DCDC1: variants seen among roughly 807,000 people sequenced by gnomAD.
DCDC1 encodes the protein doublecortin domain containing 1.
In DCDC1, 200 loss-of-function variants were observed where a neutral mutation model predicts 178.3. The observed-to-expected ratio is 1.12, with a 90% CI of 1.00 to 1.26. DCDC1 has a LOEUF of 1.26. DCDC1 is among the 50% of genes most tolerant of loss of function. The probability of loss-of-function intolerance (pLI) is 0.00; values close to 1 mark genes in which losing one functional copy is unlikely to be tolerated. For missense variants in DCDC1, 1,983 were observed against 1,749.2 expected, an observed-to-expected ratio of 1.13 and a Z score of -2.38; for synonymous variants, 690 against 604.8, an observed-to-expected ratio of 1.14 and a Z score of -2.07.
chr11:30,942,424 G>A (rs1332129175), intron 21 of DCDC1, among the ~76,000 whole-genome samples: 1 of 152,008 alleles, frequency 6.6e-6, no homozygotes, highest in Non-Finnish European at 1.5e-5. Context: ...AGATGGTGAG[G>A]GAATCTCATT....
intron 9 of DCDC1, among the ~76,000 whole-genome samples, chr11:31,171,042 G>A (rs539238739): frequency 6.6e-6 from 1 of 152,206 alleles, no homozygotes; most frequent in African/African-American, 2.4e-5. Context: ...TGGCCAGGCT[G>A]GTCTCGAACT....
At chr11:31,150,446 GTATA>G (rs1324857636) in intron 9 of DCDC1, among the ~76,000 whole-genome samples, 1 of 152,120 alleles carries the variant, frequency 6.6e-6, no homozygotes, top group African/African-American at 2.4e-5. Flanking sequence ...ATATGGATCA[GTATA>G]TATAAAAAGG....
At chr11:31,245,753 A>G (rs1296779328) in intron 8 of DCDC1, among the ~76,000 whole-genome samples, 1 of 151,880 alleles carries the variant, frequency 6.6e-6, no homozygotes, top group African/African-American at 2.4e-5. Flanking sequence ...TGACAGAGCA[A>G]TAATATTAGA....
At chr11:31,274,537 C>T (rs917220017) in intron 7 of DCDC1, among the ~76,000 whole-genome samples, 9 of 150,712 alleles carry the variant, frequency 6.0e-5, no homozygotes, top group Admixed American at 6.0e-4. Context: ...TTTCAGAGAA[C>T]ATAGCATATG....
chr11:30,892,801 T>G lies in DCDC1; in HGVS notation c.5082+17A>C, dbSNP rs767877253. 2 of 1,613,724 alleles carry G rather than the reference T, an allele frequency of 1.2e-6. No individual in the cohort carries two copies. The highest frequency in any genetic ancestry group is 2.2e-5 in the South Asian group (2 of 91,038). On this transcript the variant is annotated intron_variant, in intron 36 of 38. Transcript: ENST00000684477. ...CAAACTCAGGCCTATGAAACACTCC[T>G]TTCACACTAGATTTACCTCTGAAAT... is the stretch of plus-strand genomic sequence containing the variant.
chr11:30,913,268 C>T (rs1945580858), intron 27 of DCDC1, among the ~76,000 whole-genome samples: 3 of 151,916 alleles, frequency 2.0e-5, no homozygotes, highest in South Asian at 2.1e-4. Context: ...ATTAGCTGGG[C>T]GTGGTGGCGG....
chr11:31,329,969 C>T (rs531752791), intron 2 of DCDC1, among the ~76,000 whole-genome samples: 2 of 152,298 alleles, frequency 1.3e-5, no homozygotes, highest in East Asian at 1.9e-4. Context: ...CTTGAGGAGT[C>T]GCCACACTGT....
chr11:30,922,315 C>T (rs1946303676), intron 24 of DCDC1, among the ~76,000 whole-genome samples, 188 bp downstream of exon 24: 1 of 152,194 alleles, frequency 6.6e-6, no homozygotes, highest in Non-Finnish European at 1.5e-5. Flanking sequence ...TCTCTTTGCA[C>T]ATTCAAACTG....
chr11:31,345,333 ATC>A (rs1950758903), intron 1 of DCDC1, among the ~76,000 whole-genome samples: 1 of 152,180 alleles, frequency 6.6e-6, no homozygotes, highest in African/African-American at 2.4e-5. Context: ...ACGTTTTAAA[ATC>A]TCTATAGAAT....
intron 31 of DCDC1, chr11:30,904,261 AT>A (rs1353448828): frequency 6.6e-6 from 1 of 152,274 alleles, no homozygotes; most frequent in East Asian, 1.9e-4. Flanking sequence ...TTTAAAAAAA[AT>A]ATTTTCAGCC....
At chr11:31,294,846 GAAAGAAAGAAAGAAAGAAAGAAAA>G (rs1947554361) in intron 6 of DCDC1, among the ~76,000 whole-genome samples, 1 of 131,464 alleles carries the variant, frequency 7.6e-6, no homozygotes, top group Non-Finnish European at 1.7e-5. Context: ...AAGAAAGAAA[GAAAGAAAGAAAGAAAGAAAGAAAA>G]AGAAAACAGA....
At chr11:31,054,407 A>T (rs1955455482) in intron 20 of DCDC1, among the ~76,000 whole-genome samples, 1 of 152,216 alleles carries the variant, frequency 6.6e-6, no homozygotes, top group South Asian at 2.1e-4. Context: ...GAAAATGACC[A>T]TATTGCCAAA....
At chr11:31,149,002 T>C (rs1256839615) in intron 9 of DCDC1, among the ~76,000 whole-genome samples, 1 of 152,180 alleles carries the variant, frequency 6.6e-6, no homozygotes, top group East Asian at 1.9e-4. Context: ...TATCTGGTTT[T>C]CCATTACTGA....
At chr11:31,281,966 T>G (rs1946466774) in intron 7 of DCDC1, among the ~76,000 whole-genome samples, 1 of 152,156 alleles carries the variant, frequency 6.6e-6, no homozygotes, top group African/African-American at 2.4e-5. Context: ...AAAACTCACT[T>G]GATCATGATG....
chr11:31,328,067 C>A, intron 3 of DCDC1, 50 bp downstream of exon 3: 2 of 1,523,958 alleles, frequency 1.3e-6, no homozygotes, highest in South Asian at 1.3e-5. Context: ...TCTATAAACA[C>A]TTTTATCCCC....
chr11:31,311,925 G>A (rs146977785), intron 3 of DCDC1, among the ~76,000 whole-genome samples: 75 of 152,146 alleles, frequency 4.9e-4, no homozygotes, highest in Middle Eastern at 3.4e-3. Flanking sequence ...CTGCTGCCAC[G>A]ACCAGTCACA....
At chr11:31,266,542 G>A (rs1945177875) in intron 7 of DCDC1, among the ~76,000 whole-genome samples, 1 of 152,086 alleles carries the variant, frequency 6.6e-6, no homozygotes, top group Non-Finnish European at 1.5e-5. Context: ...AATTGAAAGT[G>A]CTCTGCCATC....
intron 17 of DCDC1, among the ~76,000 whole-genome samples, chr11:31,084,208 G>A (rs1480660586): frequency 6.6e-6 from 1 of 152,102 alleles, no homozygotes; most frequent in Admixed American, 6.5e-5. Context: ...TTTGTGAGTT[G>A]TCAGGTTGCT....
chr11:31,089,446 G>C (rs1957670326), intron 17 of DCDC1, among the ~76,000 whole-genome samples: 1 of 151,940 alleles, frequency 6.6e-6, no homozygotes, highest in African/African-American at 2.4e-5. Flanking sequence ...GGAATTTGTT[G>C]AGTTCCTTGG....
Sources: allele counts gnomAD v4.1 joint callset (sites outside exome capture counted in the v4.1 genomes callset), GRCh38; gene constraint gnomAD v4.1.1; transcripts MANE v1.5; gene names NCBI Gene and HGNC (gene_info 2026-07-23, HGNC 2026-07-21).